Variants in ZZZ3 observed in about 807,000 individuals in gnomAD.
The protein encoded by ZZZ3 is ZZ-type zinc finger-containing protein 3.
Under a neutral mutation model 95.2 loss-of-function variants are expected in ZZZ3, and 22 were observed. The observed-to-expected ratio is 0.23, with a 90% CI of 0.17 to 0.33. The LOEUF (loss-of-function observed/expected upper bound fraction) is 0.33, where lower values mean the gene tolerates loss of function less well. Ranked by LOEUF, ZZZ3 falls within the 10% of genes least tolerant of loss-of-function variation. The pLI is 1.00. For missense variants in ZZZ3, 885 were observed against 1,066.5 expected (o/e 0.83, Z 2.37); for synonymous variants, 335 against 358.9 (o/e 0.93, Z 0.75).
chr1:77,577,263 T>C (rs1457729936), intron 11 of ZZZ3, among the ~76,000 whole-genome samples: 1 of 152,216 alleles, frequency 6.6e-6, no homozygotes, highest in Non-Finnish European at 1.5e-5. Flanking sequence ...AAAACACATG[T>C]ACGTTCTCCA....
intron 5 of ZZZ3, among the ~76,000 whole-genome samples, chr1:77,616,415 G>A (rs1666319009): frequency 2.0e-5 from 3 of 152,164 alleles, no homozygotes; most frequent in Non-Finnish European, 4.4e-5. Flanking sequence ...GTGTTACTAG[G>A]ATTCTGTAAC....
chr1:77,629,634 AAAAC>A (rs1277076564), intron 5 of ZZZ3, among the ~76,000 whole-genome samples: 2 of 152,240 alleles, frequency 1.3e-5, no homozygotes, highest in East Asian at 1.9e-4. Flanking sequence ...TCCAAAACAA[AAAAC>A]AAACAAACAA....
At chr1:77,584,908 C>T (rs1315311559) in intron 5 of ZZZ3, 3 of 255,302 alleles carry the variant, frequency 1.2e-5, no homozygotes, top group South Asian at 1.7e-4. Flanking sequence ...TGAACAAGTA[C>T]CAAAATAAAA....
At chr1:77,629,133 A>C (rs1274288705) in intron 5 of ZZZ3, among the ~76,000 whole-genome samples, 2 of 152,156 alleles carry the variant, frequency 1.3e-5, no homozygotes, top group Non-Finnish European at 2.9e-5. Flanking sequence ...CATTATATCC[A>C]ACCAACTCTT....
intron 5 of ZZZ3, among the ~76,000 whole-genome samples, chr1:77,630,665 G>T (rs1230908064): frequency 6.6e-6 from 1 of 152,090 alleles, no homozygotes; most frequent in East Asian, 1.9e-4. Flanking sequence ...ATGCTCAGAT[G>T]ACATGAACTA....
rs1485849123 is a variant in ZZZ3 at position 77,595,802 on chromosome 1, A to G, written c.1506-11147T>C. The stretch of plus-strand genomic sequence containing the variant: ...AAGAAAGCTATGTAGCTGACGTATA[A>G]AATTACACTCTGAGCATCCTATTTA... On this transcript the variant is annotated intron_variant, in intron 5 of 14. Transcript: ENST00000370801. 2.0e-5 allele frequency among the ~76,000 whole-genome samples: 3 copies of G among 152,078 alleles called. No homozygotes were observed. In the East Asian group the frequency reaches 5.8e-4, roughly 29 times the overall value.
chr1:77,632,035 T>C lies in ZZZ3; in HGVS notation c.1320A>G (p.Ile440Met), dbSNP rs1286735292. 3 of 1,614,036 alleles carry C rather than the reference T, an allele frequency of 1.9e-6. No individual in the cohort carries two copies. Among genetic ancestry groups the C allele is most frequent in the Admixed American group, 1.7e-5 (1 of 60,000 alleles). Residue 440 changes from isoleucine (I) to methionine (M), a missense_variant, in exon 5 of 15, where the codon ATA becomes ATG. Coordinates refer to ENST00000370801, the MANE Select transcript of ZZZ3 (RefSeq NM_015534.6). ...TTCCATTATTTTGAGAGTCACAACA[T>C]ATCCCTTTTTCATTTTGAGAAATTT... ...PGEISQNEKG[I>M]CCDSQNNGSE...
chr1:77,592,986 G>A (rs1375029990), intron 5 of ZZZ3, among the ~76,000 whole-genome samples: 1 of 152,284 alleles, frequency 6.6e-6, no homozygotes, highest in Middle Eastern at 3.4e-3. Context: ...CTTTTGCCTG[G>A]AGCAATTTAT....
At chr1:77,586,863 A>C (rs539922482) in intron 5 of ZZZ3, among the ~76,000 whole-genome samples, 1 of 152,358 alleles carries the variant, frequency 6.6e-6, no homozygotes, top group Non-Finnish European at 1.5e-5. Context: ...TATTTAAACA[A>C]AACTGGGGTG....
chr1:77,677,946 C>A (rs1385519056), intron 1 of ZZZ3, among the ~76,000 whole-genome samples: 1 of 152,078 alleles, frequency 6.6e-6, no homozygotes, highest in Non-Finnish European at 1.5e-5. Context: ...TACATACACA[C>A]CCCTTATACA....
chr1:77,631,828 T>G (rs369094762), intron 5 of ZZZ3, 22 bp downstream of exon 5: 2 of 1,507,694 alleles, frequency 1.3e-6, no homozygotes, highest in African/African-American at 1.4e-5. Context: ...GCAGAATTCA[T>G]GGTTACCATA....
Position 77,582,077 on chromosome 1 carries a change from A to C in ZZZ3, c.1694T>G (p.Ile565Ser), listed in dbSNP as rs113212791. 4 of 1,613,372 alleles carry C rather than the reference A, an allele frequency of 2.5e-6. No individual in the cohort carries two copies. In the African/African-American group the frequency reaches 4.0e-5, roughly 16 times the overall value. Residue 565 changes from isoleucine (I) to serine (S), a missense_variant, in exon 7 of 15, where the codon ATC (isoleucine) becomes AGC (serine). By Grantham distance (142) the Ile-to-Ser change is moderately radical. Around this residue, in one of 5 missense-constraint regions of ZZZ3, gnomAD observed 7 missense variants for 29.4 expected, o/e 0.24. Transcript: ENST00000370801. ...YPQRVVQLPE[I>S]VWDQYTHSLG... Reference sequence around the variant, plus strand: ...GCTATGGGTATATTGGTCCCATACGATCTCAGGCAATTGAACAACTCTCTG... The same window carrying C: ...GCTATGGGTATATTGGTCCCATACGCTCTCAGGCAATTGAACAACTCTCTG...
chr1:77,680,869 A>C (rs1672692236), intron 1 of ZZZ3, among the ~76,000 whole-genome samples: 1 of 152,204 alleles, frequency 6.6e-6, no homozygotes, highest in African/African-American at 2.4e-5. Context: ...ACATTAATTT[A>C]TTTAAATCTT....
intron 5 of ZZZ3, among the ~76,000 whole-genome samples, chr1:77,631,164 A>T (rs1185335833): frequency 6.6e-6 from 1 of 152,182 alleles, no homozygotes; most frequent in Non-Finnish European, 1.5e-5. Flanking sequence ...AGAATTCTTT[A>T]TTTACAACAG....
At chr1:77,579,404 C>T (rs1662282390) in intron 10 of ZZZ3, 123 bp downstream of exon 10, 2 of 657,544 alleles carry the variant, frequency 3.0e-6, no homozygotes, top group Admixed American at 2.9e-5. Flanking sequence ...AAAAACACCA[C>T]ATACTACAGC....
intron 12 of ZZZ3, 130 bp downstream of exon 12, chr1:77,575,938 T>G (rs1330176647): frequency 1.5e-6 from 1 of 681,328 alleles, no homozygotes; most frequent in East Asian, 2.9e-5. Context: ...CAAAAGTACA[T>G]TACTTAAAAA....
At chr1:77,568,186 C>T (rs1239680153) in intron 13 of ZZZ3, 146 bp downstream of exon 13, 6 of 566,908 alleles carry the variant, frequency 1.1e-5, no homozygotes, top group Admixed American at 8.2e-5. Context: ...GGCTGAGACA[C>T]GAGAATCGCT....
rs769984550 is a variant in ZZZ3 at position 77,639,448 on chromosome 1, C to A, written c.-52+1G>T. ...CACTACTGCAAAACTAAATAACTTA[C>A]CTGTACAACCAAAGATCTATCATTG... On this transcript the variant is annotated splice_donor_variant, in intron 4 of 14. Transcript: ENST00000370801. LOFTEE classifies it low-confidence loss of function (5UTR_SPLICE). 6.6e-7 allele frequency: 1 copy of A among 1,519,286 alleles called. No homozygotes were observed. The highest frequency in any genetic ancestry group is 8.8e-7 in the Non-Finnish European group (1 of 1,133,700). 94.1% of individuals were successfully genotyped at this position (1,519,286 alleles called of 1,614,324 possible). A position where few individuals can be genotyped will look rare whatever the true frequency, so the allele number is the denominator to read the frequency against.
chr1:77,661,211 G>A (rs971440325), intron 1 of ZZZ3, among the ~76,000 whole-genome samples: 3 of 151,986 alleles, frequency 2.0e-5, no homozygotes, highest in Non-Finnish European at 4.4e-5. Flanking sequence ...GTCAGACCTC[G>A]AGACCAGTCT....
Sources: gnomAD v4.1 joint callset for allele counts (sites outside exome capture counted in the v4.1 genomes callset) on GRCh38, gnomAD v4.1.1 for gene constraint, gnomAD v4.1.1 regional missense constraint, MANE v1.5 for transcripts, NCBI Gene and HGNC (gene_info 2026-07-23, HGNC 2026-07-21) for gene names.